The following PPIL1 variants were observed in gnomAD, a reference collection of about 807,000 sequenced individuals.
PPIL1 encodes peptidyl-prolyl cis-trans isomerase-like 1.
A neutral mutation model predicts 19.4 loss-of-function variants in PPIL1; 14 were observed. That is an observed-to-expected ratio of 0.72 (90% CI 0.48 to 1.13). The LOEUF is 1.13. Ranked by LOEUF, PPIL1 falls within the 50% of genes most tolerant of loss-of-function variation. The probability of loss-of-function intolerance (pLI) is 0.00; values close to 1 mark genes in which losing one functional copy is unlikely to be tolerated. For missense variants in PPIL1, 192 were observed against 218.0 expected, an observed-to-expected ratio of 0.88 and a Z score of 0.75; for synonymous variants, 72 against 73.6, an observed-to-expected ratio of 0.98 and a Z score of 0.11.
At chr6:36,864,532 TCA>T (rs1490434027) in intron 2 of PPIL1, among the ~76,000 whole-genome samples, 1 of 152,132 alleles carries the variant, frequency 6.6e-6, no homozygotes, top group Non-Finnish European at 1.5e-5. Flanking sequence ...GTTTCCCTAA[TCA>T]CACTCTCCAA....
intron 1 of PPIL1, 132 bp from the exon 2 acceptor site, chr6:36,872,004 G>T: frequency 1.2e-6 from 1 of 834,440 alleles, no homozygotes; most frequent in African/African-American, 1.8e-5. Context: ...TGGATTTCAT[G>T]CTCAGCAAAG....
At chr6:36,874,580 G>T (rs960740108) in intron 1 of PPIL1, 137 bp downstream of exon 1, 2 of 1,201,004 alleles carry the variant, frequency 1.7e-6, no homozygotes, top group African/African-American at 3.1e-5. Flanking sequence ...AACCCTCTGG[G>T]GGCCGTCTCG....
intron 3 of PPIL1, 118 bp from the exon 4 acceptor site, chr6:36,856,151 G>T: frequency 9.2e-7 from 1 of 1,088,920 alleles, no homozygotes; most frequent in Non-Finnish European, 1.3e-6. Flanking sequence ...CCTCTGTCCA[G>T]ACCCAGACAA....
intron 2 of PPIL1, among the ~76,000 whole-genome samples, chr6:36,860,826 A>G (rs1403749270): frequency 1.3e-5 from 2 of 148,878 alleles, no homozygotes; most frequent in African/African-American, 5.0e-5. Context: ...CTACACATCT[A>G]TGTACCCCTA....
chr6:36,868,200 G>A (rs1404744711), intron 2 of PPIL1, among the ~76,000 whole-genome samples: 1 of 152,016 alleles, frequency 6.6e-6, no homozygotes, highest in African/African-American at 2.4e-5. Context: ...GCAGAGTGAA[G>A]GAAACAAATT....
At chr6:36,859,821 G>A (rs1487079819) in intron 2 of PPIL1, among the ~76,000 whole-genome samples, 2 of 150,862 alleles carry the variant, frequency 1.3e-5, no homozygotes, top group Non-Finnish European at 1.5e-5. Context: ...TTGTGTGTGT[G>A]TGTGTGTGTG....
chr6:36,871,036 A>G (rs199542027), intron 2 of PPIL1, among the ~76,000 whole-genome samples: 2 of 152,128 alleles, frequency 1.3e-5, no homozygotes, highest in Non-Finnish European at 2.9e-5. Context: ...ACCATGCCCT[A>G]TAAGGTATCA....
At chr6:36,863,210 G>A (rs1217619550) in intron 2 of PPIL1, among the ~76,000 whole-genome samples, 5 of 152,184 alleles carry the variant, frequency 3.3e-5, no homozygotes, top group Admixed American at 6.5e-5. Context: ...GCCACCTCGG[G>A]AGGCAGCCTG....
chr6:36,872,952 T>G (rs1774548521), intron 1 of PPIL1, among the ~76,000 whole-genome samples: 1 of 152,218 alleles, frequency 6.6e-6, no homozygotes, highest in South Asian at 2.1e-4. Context: ...GGATACCCAG[T>G]GCCTTGCACA....
intron 2 of PPIL1, among the ~76,000 whole-genome samples, chr6:36,869,418 TCA>T (rs1774462755): frequency 6.6e-6 from 1 of 152,206 alleles, no homozygotes; most frequent in African/African-American, 2.4e-5. Flanking sequence ...GCACAGTGCA[TCA>T]CACAGTGAGG....
At chr6:36,858,708 T>C (rs1774218072) in intron 2 of PPIL1, 1 of 152,258 alleles carries the variant, frequency 6.6e-6, no homozygotes, top group Non-Finnish European at 1.5e-5. Context: ...TACCTATGCT[T>C]CTGGAAAAAT....
chr6:36,862,931 T>C (rs1774319990), intron 2 of PPIL1, among the ~76,000 whole-genome samples: 1 of 152,216 alleles, frequency 6.6e-6, no homozygotes, highest in South Asian at 2.1e-4. Context: ...GTCAGAGACG[T>C]CTGGATTCCA....
chr6:36,865,517 C>T lies in PPIL1; in HGVS notation c.211+6201G>A, dbSNP rs77569063. 1.5e-4 allele frequency among the ~76,000 whole-genome samples: 23 copies of T among 152,256 alleles called. No individual in the cohort carries two copies. The East Asian group carries it at 4.4e-3, about 29-fold the overall frequency. ...GTGGAAGATGTGACACCGGGGGTGGCGGGCTCCCTCCCTACCCCTGCATGC... is the reference window on the plus strand; with the variant it reads ...GTGGAAGATGTGACACCGGGGGTGGTGGGCTCCCTCCCTACCCCTGCATGC... On this transcript the variant is annotated intron_variant, in intron 2 of 3. Transcript: ENST00000373699.
chr6:36,861,785 C>T (rs1561846387), intron 2 of PPIL1, among the ~76,000 whole-genome samples: 3 of 151,842 alleles, frequency 2.0e-5, no homozygotes, highest in Non-Finnish European at 4.4e-5. Context: ...CAACCTCCGC[C>T]TCCCAGGTTT....
chr6:36,863,392 T>C lies in PPIL1; in HGVS notation c.212-6738A>G, dbSNP rs528979661. ...TTCCCTTCCTACACCTCTACCCACC[T>C]CCCTTCCCTAAGACACTGTGTGAAT... On this transcript the variant is annotated intron_variant, in intron 2 of 3. Transcript: ENST00000373699. Among the ~76,000 whole-genome samples, 9 of 151,972 alleles carry C rather than the reference T, an allele frequency of 5.9e-5. No homozygotes were observed. In the East Asian group the frequency reaches 1.7e-3, roughly 29 times the overall value.
chr6:36,864,264 T>C (rs1774351912), intron 2 of PPIL1, among the ~76,000 whole-genome samples: 1 of 151,938 alleles, frequency 6.6e-6, no homozygotes, highest in Non-Finnish European at 1.5e-5. Flanking sequence ...CAACACTGTA[T>C]CACTCTGAGA....
At chr6:36,874,583 C>T in intron 1 of PPIL1, 134 bp downstream of exon 1, 2 of 1,211,610 alleles carry the variant, frequency 1.7e-6, no homozygotes, top group Non-Finnish European at 2.4e-6. Flanking sequence ...CCTCTGGGGG[C>T]CGTCTCGGCC....
intron 1 of PPIL1, among the ~76,000 whole-genome samples, chr6:36,872,657 C>T (rs1774539163): frequency 6.6e-6 from 1 of 151,976 alleles, no homozygotes; most frequent in Admixed American, 6.6e-5. Flanking sequence ...ACCCAGGTTA[C>T]AGTGCAGTGG....
chr6:36,870,725 A>G (rs2150660165), intron 2 of PPIL1, among the ~76,000 whole-genome samples: 1 of 152,110 alleles, frequency 6.6e-6, no homozygotes, highest in Middle Eastern at 3.4e-3. Context: ...GGTTCAAGCA[A>G]TTCTTCTGCC....
Sources: gnomAD v4.1 joint callset for allele counts (sites outside exome capture counted in the v4.1 genomes callset) on GRCh38, gnomAD v4.1.1 for gene constraint, MANE v1.5 for transcripts, NCBI Gene and HGNC (gene_info 2026-07-23, HGNC 2026-07-21) for gene names.